Variants in MACROD2 observed in about 807,000 individuals in gnomAD.
MACROD2 encodes the protein ADP-ribose glycohydrolase MACROD2.
MACROD2 carries 36 observed loss-of-function variants against 70.4 expected under a neutral mutation model. The observed-to-expected ratio is 0.51, with a 90% CI of 0.39 to 0.68. MACROD2 has a LOEUF of 0.68. MACROD2 is among the 30% of genes least tolerant of loss of function. The probability of loss-of-function intolerance (pLI) is 0.00; values close to 1 mark genes in which losing one functional copy is unlikely to be tolerated. For missense variants in MACROD2, 496 were observed against 538.4 expected, an observed-to-expected ratio of 0.92 and a Z score of 0.78; for synonymous variants, 172 against 178.8, an observed-to-expected ratio of 0.96 and a Z score of 0.30.
chr20:14,395,551 T>C (rs1352480900), intron 3 of MACROD2, among the ~76,000 whole-genome samples: 1 of 152,114 alleles, frequency 6.6e-6, no homozygotes, highest in Non-Finnish European at 1.5e-5. Context: ...TTTGATTTCA[T>C]TGGTTTTTCT....
chr20:15,771,383 A>AAGATGGGAT (rs1365816828), intron 8 of MACROD2, among the ~76,000 whole-genome samples: 1 of 148,578 alleles, frequency 6.7e-6, no homozygotes, highest in Admixed American at 6.7e-5. Flanking sequence ...GGATTTTGCC[A>AAGATGGGAT]TGTAGTTCAG....
intron 6 of MACROD2, among the ~76,000 whole-genome samples, chr20:15,247,800 C>T (rs560254855): frequency 1.3e-5 from 2 of 152,138 alleles, no homozygotes; most frequent in South Asian, 2.1e-4. Flanking sequence ...CAGGTTCAAG[C>T]GATTCTTGTG....
At chr20:14,279,302 A>G (rs1322607481) in intron 3 of MACROD2, among the ~76,000 whole-genome samples, 4 of 152,210 alleles carry the variant, frequency 2.6e-5, no homozygotes, top group African/African-American at 9.7e-5. Flanking sequence ...AACAAGTGTG[A>G]TATTTTATTG....
intron 15 of MACROD2, among the ~76,000 whole-genome samples, chr20:16,027,145 C>G (rs2067092259): frequency 6.6e-6 from 1 of 152,164 alleles, no homozygotes; most frequent in Admixed American, 6.5e-5. Context: ...TATCATTTTT[C>G]TCTGAAGCTG....
At chr20:15,063,825 G>C (rs1273265457) in intron 5 of MACROD2, among the ~76,000 whole-genome samples, 1 of 152,104 alleles carries the variant, frequency 6.6e-6, no homozygotes, top group East Asian at 1.9e-4. Flanking sequence ...TCCCTAAGGG[G>C]TGAAAATTAA....
intron 3 of MACROD2, among the ~76,000 whole-genome samples, chr20:14,312,662 A>G (rs545177792): frequency 1.7e-4 from 26 of 152,334 alleles, no homozygotes; most frequent in African/African-American, 5.5e-4. Context: ...TATATTGCCT[A>G]TAGCCACCAA....
chr20:15,117,012 TA>T (rs1441850857), intron 5 of MACROD2, among the ~76,000 whole-genome samples: 2 of 152,216 alleles, frequency 1.3e-5, no homozygotes, highest in African/African-American at 4.8e-5. Context: ...TTTCTTAGTT[TA>T]ATTTATTGAA....
At chr20:15,537,333 AGTCTTGGGTAT>A (rs2047890155) in intron 8 of MACROD2, among the ~76,000 whole-genome samples, 2 of 152,070 alleles carry the variant, frequency 1.3e-5, no homozygotes, top group South Asian at 4.1e-4. Flanking sequence ...TAAATTACCC[AGTCTTGGGTAT>A]GTCTCTATCA....
At chr20:14,468,751 C>A (rs754105610) in intron 3 of MACROD2, among the ~76,000 whole-genome samples, 20 of 152,016 alleles carry the variant, frequency 1.3e-4, no homozygotes, top group Non-Finnish European at 2.5e-4. Context: ...ACCTTGTGAT[C>A]CACCCGCCTT....
At chr20:15,107,013 T>TAC (rs1243715635) in intron 5 of MACROD2, among the ~76,000 whole-genome samples, 1 of 73,942 alleles carries the variant, frequency 1.4e-5, no homozygotes, top group African/African-American at 8.3e-5. Context: ...ACATCACAGA[T>TAC]ACACACAATC....
intron 8 of MACROD2, among the ~76,000 whole-genome samples, chr20:15,820,723 G>A (rs886673313): frequency 3.9e-5 from 6 of 152,132 alleles, no homozygotes; most frequent in African/African-American, 1.2e-4. Flanking sequence ...CTCCCAGCAA[G>A]GATAGCTTGT....
At chr20:14,236,858 A>G (rs1228639974) in intron 3 of MACROD2, among the ~76,000 whole-genome samples, 1 of 152,174 alleles carries the variant, frequency 6.6e-6, no homozygotes, top group Non-Finnish European at 1.5e-5. Flanking sequence ...TCAAAATGTC[A>G]GTTATTAAAA....
At chr20:15,085,559 G>C (rs969710937) in intron 5 of MACROD2, among the ~76,000 whole-genome samples, 3 of 151,972 alleles carry the variant, frequency 2.0e-5, no homozygotes, top group African/African-American at 7.3e-5. Flanking sequence ...AAGACAAAGA[G>C]CTCAGTTTAA....
intron 2 of MACROD2, among the ~76,000 whole-genome samples, chr20:14,039,220 T>G (rs935422305): frequency 4.6e-5 from 7 of 152,174 alleles, no homozygotes; most frequent in African/African-American, 1.2e-4. Context: ...TTCACATAAA[T>G]TATGGTTGAC....
In MACROD2 at chr20:14,877,101, T is replaced by G. The variant is rs963930637; in HGVS notation, c.418+192142T>G. On this transcript the variant is annotated intron_variant, in intron 5 of 17. Transcript: ENST00000684519. Reference sequence around the variant, plus strand: ...CCAATCCATGAGCATGGAATGTTTTTCCATCTGTTTGTGTCATCTGTGATT... The same window carrying G: ...CCAATCCATGAGCATGGAATGTTTTGCCATCTGTTTGTGTCATCTGTGATT... Among the ~76,000 whole-genome samples the G allele has an allele frequency of 5.9e-5, 9 of 152,316 alleles. 1 individual carries two copies. Among genetic ancestry groups the G allele is most frequent in the Non-Finnish European group, 8.8e-5 (6 of 68,030 alleles).
intron 17 of MACROD2, among the ~76,000 whole-genome samples, chr20:16,046,731 AGTGT>A (rs1049680670): frequency 7.4e-6 from 1 of 134,678 alleles, no homozygotes; most frequent in African/African-American, 2.9e-5. Context: ...CCCGGGCTAC[AGTGT>A]AGTGGCACGA....
rs146675793 is a variant in MACROD2, at chr20:14,381,776, A to G, written c.272-111703A>G. ...CCAACACTAAGATTTTCTTCAATAA[A>G]AAGAAAAATTCTAAATTCAGCCCTC... is the stretch of plus-strand genomic sequence containing the variant. On this transcript the variant is annotated intron_variant, in intron 3 of 17. Transcript: ENST00000684519. Among the ~76,000 whole-genome samples, 39 of 152,292 alleles carry G rather than the reference A, an allele frequency of 2.6e-4. No homozygotes were observed. In the East Asian group the frequency reaches 6.9e-3, roughly 27 times the overall value.
At chr20:14,670,066 T>A (rs2070777642) in intron 4 of MACROD2, among the ~76,000 whole-genome samples, 2 of 152,072 alleles carry the variant, frequency 1.3e-5, no homozygotes, top group South Asian at 4.1e-4. Flanking sequence ...AATTTCCCAG[T>A]TGTTTTAAAA....
chr20:14,715,663 A>G (rs2071388997), intron 5 of MACROD2, among the ~76,000 whole-genome samples: 1 of 152,158 alleles, frequency 6.6e-6, no homozygotes, highest in Non-Finnish European at 1.5e-5. Flanking sequence ...CTGTTCAGAC[A>G]TGGTCAAGCT....
Sources: allele counts gnomAD v4.1 joint callset (sites outside exome capture counted in the v4.1 genomes callset), GRCh38; gene constraint gnomAD v4.1.1; transcripts MANE v1.5; gene names NCBI Gene and HGNC (gene_info 2026-07-23, HGNC 2026-07-21).